Variants in YBEY observed in about 807,000 individuals in gnomAD.
YBEY encodes ybeY metalloendoribonuclease.
A neutral mutation model predicts 13.5 loss-of-function variants in YBEY; 15 were observed. That is an observed-to-expected ratio of 1.11 (90% CI 0.75 to 1.72). The LOEUF (loss-of-function observed/expected upper bound fraction) is 1.72, where lower values mean the gene tolerates loss of function less well. YBEY is among the 40% of genes most tolerant of loss of function. The probability of loss-of-function intolerance (pLI) is 0.00; values close to 1 mark genes in which losing one functional copy is unlikely to be tolerated. For missense variants in YBEY, 244 were observed against 208.4 expected (o/e 1.17, Z -1.05); for synonymous variants, 101 against 83.1 (o/e 1.21, Z -1.17).
At chr21:46,307,156 A>C in the YBEY span, among the ~76,000 whole-genome samples, 3 of 151,910 alleles carry the variant, frequency 2.0e-5, no homozygotes, top group South Asian at 2.1e-4. Flanking sequence ...TTAGCCTCCC[A>C]AAGTGCTGGG....
At chr21:46,310,303 C>T in the YBEY span, among the ~76,000 whole-genome samples, 27 of 151,734 alleles carry the variant, frequency 1.8e-4, 2 homozygotes, top group African/African-American at 5.8e-4. Context: ...ATAGTGAAAC[C>T]CCTGTCTCTA....
downstream of YBEY, among the ~76,000 whole-genome samples, chr21:46,299,330 G>T (rs971577386): frequency 6.6e-6 from 1 of 152,112 alleles, no homozygotes; most frequent in African/African-American, 2.4e-5. Flanking sequence ...CTGAGGAAGA[G>T]CCGCCCGTGG....
downstream of YBEY, chr21:46,302,293 T>TC (rs1276924662): frequency 7.3e-7 from 1 of 1,370,132 alleles, no homozygotes; most frequent in Non-Finnish European, 9.7e-7. Flanking sequence ...AGGAGGCTCC[T>TC]CCCCCGCCCC....
the YBEY span, chr21:46,313,193 G>A: frequency 1.7e-5 from 5 of 288,160 alleles, no homozygotes; most frequent in African/African-American, 6.8e-5. Flanking sequence ...AAATGGGCCT[G>A]GCCCAATAAA....
the YBEY span, among the ~76,000 whole-genome samples, chr21:46,306,738 C>G: frequency 5.3e-5 from 8 of 152,052 alleles, no homozygotes; most frequent in Non-Finnish European, 1.2e-4. Context: ...CAGGCATGCA[C>G]CTAACACTTG....
downstream of YBEY, among the ~76,000 whole-genome samples, chr21:46,299,043 CTTTCTTTT>C (rs1569107950): frequency 8.1e-6 from 1 of 123,960 alleles, no homozygotes; most frequent in Non-Finnish European, 1.6e-5. Flanking sequence ...GTATTTCTTT[CTTTCTTTT>C]TTTTTTTTTT....
chr21:46,300,792 G>C (rs1294529439), downstream of YBEY: 1 of 1,288,586 alleles, frequency 7.8e-7, no homozygotes, highest in Non-Finnish European at 1.0e-6. Context: ...GAAAGAATCT[G>C]TCCTAATAGG....
chr21:46,304,230 C>T, the YBEY span, among the ~76,000 whole-genome samples: 1 of 151,842 alleles, frequency 6.6e-6, no homozygotes, highest in South Asian at 2.1e-4. Context: ...TGGGGTTTCA[C>T]TGTGTTAGCC....
At chr21:46,301,949 G>C, downstream of YBEY, 6 of 1,460,130 alleles carry the variant, frequency 4.1e-6, no homozygotes, top group Non-Finnish European at 5.4e-6. Flanking sequence ...ACAGCCCTGA[G>C]GAAGCCTGGG....
the YBEY span, among the ~76,000 whole-genome samples, chr21:46,310,405 G>A: frequency 2.0e-5 from 3 of 151,662 alleles, no homozygotes; most frequent in Non-Finnish European, 2.9e-5. Context: ...CTTGAACCCA[G>A]GAGGTGGAGG....
At chr21:46,292,527 T>C (rs182536583) in intron 3 of YBEY, among the ~76,000 whole-genome samples, 4,582 of 143,962 alleles carry the variant, frequency 0.032, 183 homozygotes, top group Admixed American at 0.059. Flanking sequence ...TAGCTTGGCC[T>C]GTGCCCGGGA....
chr21:46,291,460 A>G lies in YBEY; in HGVS notation c.337A>G (p.Thr113Ala). 6.2e-7 allele frequency: 1 copy of G among 1,613,740 alleles called. No individual in the cohort carries two copies. The highest frequency in any genetic ancestry group is 8.5e-7 in the Non-Finnish European group (1 of 1,179,896). ...KENEDYNDVL[T>A]VTATHGLCHL... ...AAATGAAGATTACAATGACGTCCTG[A>G]CTGTAAGCGGGGATGCTGAAATCAT... is the stretch of plus-strand genomic sequence containing the variant. Residue 113 changes from threonine (T) to alanine (A), a missense_variant and splice_region_variant, in exon 3 of 5, where the codon ACT becomes GCT. Coordinates refer to ENST00000397701, the MANE Select transcript of YBEY (RefSeq NM_001314025.2).
At chr21:46,305,490 C>T in the YBEY span, among the ~76,000 whole-genome samples, 5 of 152,010 alleles carry the variant, frequency 3.3e-5, no homozygotes, top group South Asian at 1.0e-3. Flanking sequence ...CCACCATACC[C>T]AACTAATTTT....
chr21:46,310,629 C>A, the YBEY span, among the ~76,000 whole-genome samples: 1 of 151,518 alleles, frequency 6.6e-6, no homozygotes, highest in Non-Finnish European at 1.5e-5. Flanking sequence ...GCCAAAATGG[C>A]GAAAACCCAC....
At chr21:46,307,649 C>T in the YBEY span, among the ~76,000 whole-genome samples, 1 of 152,142 alleles carries the variant, frequency 6.6e-6, no homozygotes, top group African/African-American at 2.4e-5. Flanking sequence ...GTTACATGGC[C>T]GTCCTGGGCC....
intron 2 of YBEY, among the ~76,000 whole-genome samples, chr21:46,288,042 C>G (rs1393694906): frequency 6.6e-6 from 1 of 151,946 alleles, no homozygotes. Flanking sequence ...AAAAAGGTGA[C>G]TAGCGTCCAC....
At chr21:46,307,984 G>A in the YBEY span, among the ~76,000 whole-genome samples, 1 of 152,014 alleles carries the variant, frequency 6.6e-6, no homozygotes, top group Admixed American at 6.6e-5. Context: ...CTAGATAACA[G>A]TTTGGCAGTT....
chr21:46,302,448 T>C (rs369440025), downstream of YBEY: 217 of 1,496,080 alleles, frequency 1.5e-4, 4 homozygotes, highest in African/African-American at 2.8e-3. Flanking sequence ...CAGGCCCTGT[T>C]TCCTTGGCCT....
At chr21:46,300,777 G>A (rs911685042), downstream of YBEY, 9 of 1,289,222 alleles carry the variant, frequency 7.0e-6, no homozygotes, top group African/African-American at 1.5e-5. Flanking sequence ...CGGAACTTCA[G>A]GAATGAAAGA....
Sources: allele counts gnomAD v4.1 joint callset (sites outside exome capture counted in the v4.1 genomes callset), GRCh38; gene constraint gnomAD v4.1.1; transcripts MANE v1.5; gene names NCBI Gene and HGNC (gene_info 2026-07-23, HGNC 2026-07-21).